DLG2: variants seen among roughly 807,000 people sequenced by gnomAD.
The protein encoded by DLG2 is discs large MAGUK scaffold protein 2, also known as disks large homolog 2.
DLG2 carries 45 observed loss-of-function variants against 132.5 expected under a neutral mutation model. That is an observed-to-expected ratio of 0.34 (90% CI 0.27 to 0.44). The LOEUF is 0.44. Ranked by LOEUF, DLG2 falls within the 20% of genes least tolerant of loss-of-function variation. The pLI is 1.00. For missense variants in DLG2, 1,045 were observed against 1,196.9 expected (o/e 0.87, Z 1.87); for synonymous variants, 424 against 419.6 (o/e 1.01, Z -0.13).
intron 16 of DLG2, among the ~76,000 whole-genome samples, chr11:83,871,027 C>T (rs1217102858): frequency 6.6e-6 from 1 of 152,196 alleles, no homozygotes; most frequent in Non-Finnish European, 1.5e-5. Flanking sequence ...GATCAATACC[C>T]TTCAATCAGC....
At chr11:85,031,465 TTA>T (rs1303962718) in intron 6 of DLG2, among the ~76,000 whole-genome samples, 1 of 152,182 alleles carries the variant, frequency 6.6e-6, no homozygotes, top group Non-Finnish European at 1.5e-5. Context: ...ATACTTACTT[TTA>T]TATGTTTGGT....
chr11:84,289,528 G>A (rs2097957057), intron 7 of DLG2, among the ~76,000 whole-genome samples: 1 of 152,126 alleles, frequency 6.6e-6, no homozygotes, highest in Non-Finnish European at 1.5e-5. Flanking sequence ...CTCTCAGTAT[G>A]AGTAAAGGTA....
intron 3 of DLG2, among the ~76,000 whole-genome samples, chr11:85,502,500 G>A (rs1305790377): frequency 6.6e-6 from 1 of 152,024 alleles, no homozygotes; most frequent in Non-Finnish European, 1.5e-5. Context: ...GTCCTTTGCA[G>A]GGACATGGAT....
Position 85,164,156 on chromosome 11 carries a change from ACT to A in DLG2, c.187-9507_187-9506del, listed in dbSNP as rs2078249007. On this transcript the variant is annotated intron_variant, in intron 4 of 27. Transcript: ENST00000376104. ...ATCTGATAAAAGTTGTCATAGACTAACTCTCTTTCTGACACAAATATCTTTAC... is the reference window on the plus strand; with the variant it reads ...ATCTGATAAAAGTTGTCATAGACTAACTCTTTCTGACACAAATATCTTTAC... Among the ~76,000 whole-genome samples, 5 of 152,100 alleles carry A rather than the reference ACT, an allele frequency of 3.3e-5. No individual in the cohort carries two copies. In the South Asian group the frequency reaches 1.0e-3, roughly 32 times the overall value.
rs757259010 is a variant in DLG2 at position 83,558,674 on chromosome 11, C to T, written c.1941-16816G>A. On this transcript the variant is annotated intron_variant, in intron 19 of 27. Coordinates refer to ENST00000376104, the MANE Select transcript of DLG2 (RefSeq NM_001142699.3). ...GATCTGTTTGTGATATGTGTCTGGACTTGCCACTGTATCTCTACCTCTGGA... is the reference window on the plus strand; with the variant it reads ...GATCTGTTTGTGATATGTGTCTGGATTTGCCACTGTATCTCTACCTCTGGA... Among the ~76,000 whole-genome samples, 4 of 152,170 alleles carry T rather than the reference C, an allele frequency of 2.6e-5. No homozygotes were observed. The South Asian group carries it at 6.2e-4, about 24-fold the overall frequency.
At chr11:83,802,114 G>GC in intron 17 of DLG2, among the ~76,000 whole-genome samples, 1 of 151,542 alleles carries the variant, frequency 6.6e-6, no homozygotes, top group South Asian at 2.1e-4. Context: ...TGTTGCTCAG[G>GC]CTAGATAGCA....
intron 19 of DLG2, among the ~76,000 whole-genome samples, chr11:83,627,395 G>A (rs2062758529): frequency 6.6e-6 from 1 of 151,700 alleles, no homozygotes; most frequent in Non-Finnish European, 1.5e-5. Context: ...TCTGGTGTGT[G>A]ATGTTCCCCT....
At chr11:85,477,125 T>C (rs1442333090) in intron 3 of DLG2, among the ~76,000 whole-genome samples, 1 of 152,124 alleles carries the variant, frequency 6.6e-6, no homozygotes, top group Non-Finnish European at 1.5e-5. Flanking sequence ...ACCATAATCA[T>C]ACATGTAGTC....
Position 83,792,639 on chromosome 11 carries a change from TAGTC to T in DLG2, c.1723-5851_1723-5848del, listed in dbSNP as rs543566488. Among the ~76,000 whole-genome samples, 34 of 152,310 alleles carry T rather than the reference TAGTC, an allele frequency of 2.2e-4. No homozygotes were observed. The East Asian group carries it at 4.8e-3, about 22-fold the overall frequency. ...ATTTTTTCCACTTACTAATATACCTTAGTCAGCTTTCTAATTTACATATTTCTTC... is the reference window on the plus strand; with the variant it reads ...ATTTTTTCCACTTACTAATATACCTTAGCTTTCTAATTTACATATTTCTTC... On this transcript the variant is annotated intron_variant, in intron 17 of 27. Coordinates refer to ENST00000376104, the MANE Select transcript of DLG2 (RefSeq NM_001142699.3).
intron 6 of DLG2, among the ~76,000 whole-genome samples, chr11:85,026,611 G>A (rs1352179394): frequency 6.6e-6 from 1 of 152,166 alleles, no homozygotes; most frequent in Non-Finnish European, 1.5e-5. Context: ...GCCGAGGCAG[G>A]AGGATCACAA....
At position 84,058,507 on chromosome 11, in the gene DLG2, AATAATAAT is replaced by A. The variant is rs1566266758; in HGVS notation, c.919+800_919+807del. Among the ~76,000 whole-genome samples the A allele has an allele frequency of 5.5e-4, 76 of 139,246 alleles. 1 individual carries two copies. The highest frequency in any genetic ancestry group is 1.8e-3 in the African/African-American group (69 of 37,976). The allele number at this position is 139,246 out of a possible 152,430, so 91.4% of individuals were successfully genotyped here. ...TCTGTCTCTACCAAAAAACAAATAC[AATAATAAT>A]AATAATAATAATAATAATAATAATA... On this transcript the variant is annotated intron_variant, in intron 11 of 27. Coordinates refer to ENST00000376104, the MANE Select transcript of DLG2 (RefSeq NM_001142699.3).
chr11:85,553,140 G>C (rs1350473430), intron 3 of DLG2, among the ~76,000 whole-genome samples: 1 of 151,694 alleles, frequency 6.6e-6, no homozygotes, highest in Non-Finnish European at 1.5e-5. Context: ...GGATATAGCA[G>C]TGAACAAAAC....
rs186815638 is a variant in DLG2, at chr11:83,759,106, G to C, written c.1825+27584C>G. 2.8e-3 allele frequency among the ~76,000 whole-genome samples: 430 copies of C among 152,296 alleles called. 2 individuals carry two copies. The highest frequency in any genetic ancestry group is 5.0e-3 in the Non-Finnish European group (339 of 68,014). On this transcript the variant is annotated intron_variant, in intron 18 of 27. Coordinates refer to ENST00000376104, the MANE Select transcript of DLG2 (RefSeq NM_001142699.3). Reference sequence around the variant, plus strand: ...GTCAGAAAGATTCTGATTTAAAGGAGAGAATAAGAAGTACATAAATTACTA... The same window carrying C: ...GTCAGAAAGATTCTGATTTAAAGGACAGAATAAGAAGTACATAAATTACTA...
intron 8 of DLG2, among the ~76,000 whole-genome samples, chr11:84,168,945 T>C (rs754042034): frequency 1.3e-5 from 2 of 152,140 alleles, no homozygotes; most frequent in South Asian, 2.1e-4. Context: ...AAATATGTCA[T>C]GATGCATTAC....
chr11:84,927,044 C>A (rs551889626), intron 6 of DLG2, among the ~76,000 whole-genome samples: 7 of 152,072 alleles, frequency 4.6e-5, no homozygotes, highest in African/African-American at 1.7e-4. Context: ...TGATTTTCAC[C>A]TTATGCACTG....
intron 16 of DLG2, among the ~76,000 whole-genome samples, chr11:83,869,533 C>T (rs938536): frequency 0.23 from 35,681 of 152,020 alleles, 4,394 homozygotes; most frequent in East Asian, 0.37. Flanking sequence ...CATGGCTGTC[C>T]CTATGGAGTT....
chr11:85,338,795 C>T (rs564020824), intron 3 of DLG2, among the ~76,000 whole-genome samples: 1 of 151,378 alleles, frequency 6.6e-6, no homozygotes, highest in South Asian at 2.1e-4. Context: ...GGCTCCGCCT[C>T]CCGGGTTCAC....
chr11:84,993,318 C>G (rs1423292197), intron 6 of DLG2, among the ~76,000 whole-genome samples: 2 of 152,028 alleles, frequency 1.3e-5, no homozygotes, highest in Non-Finnish European at 2.9e-5. Flanking sequence ...GCATGCAGGC[C>G]TTAAAACCGA....
rs150716096 is a variant in DLG2 at position 85,457,934 on chromosome 11, T to C, written c.40+140723A>G. On this transcript the variant is annotated intron_variant, in intron 3 of 27. Transcript: ENST00000376104. The stretch of plus-strand genomic sequence containing the variant: ...TCTCGGGGATGGTCCCCTTATTTAG[T>C]ATCTTGCTGAAGTTCTCTGCATTTC... 9.5e-4 allele frequency among the ~76,000 whole-genome samples: 145 copies of C among 152,324 alleles called. 3 individuals are homozygous for C. In the East Asian group the frequency reaches 0.026, roughly 28 times the overall value.
Sources: gnomAD v4.1 joint callset for allele counts (sites outside exome capture counted in the v4.1 genomes callset) on GRCh38, gnomAD v4.1.1 for gene constraint, MANE v1.5 for transcripts, NCBI Gene and HGNC (gene_info 2026-07-23, HGNC 2026-07-21) for gene names.